Variants in ACTR2 observed in about 807,000 individuals in gnomAD.
The protein encoded by ACTR2 is actin related protein 2.
A neutral mutation model predicts 50.2 loss-of-function variants in ACTR2; 5 were observed. That is an observed-to-expected ratio of 0.10 (90% confidence interval 0.05 to 0.21). ACTR2 has a LOEUF of 0.21. Ranked by LOEUF, ACTR2 falls within the 10% of genes least tolerant of loss-of-function variation. The pLI is 1.00. For synonymous variants in ACTR2, 140 were observed against 162.9 expected, an observed-to-expected ratio of 0.86 and a Z score of 1.07; for missense variants, 180 against 480.6, an observed-to-expected ratio of 0.37 and a Z score of 5.85.
chr2:65,244,880 T>G (rs1671906532), intron 2 of ACTR2, among the ~76,000 whole-genome samples: 1 of 147,912 alleles, frequency 6.8e-6, no homozygotes, highest in Non-Finnish European at 1.5e-5. Context: ...AGGTTGAGGC[T>G]GTGGTAAGCA....
Position 65,246,026 on chromosome 2 carries a change from T to C in ACTR2, c.160-498T>C, listed in dbSNP as rs188590148. 2.0e-5 allele frequency among the ~76,000 whole-genome samples: 3 copies of C among 152,196 alleles called. No homozygotes were observed. The East Asian group carries it at 5.8e-4, about 29-fold the overall frequency. On this transcript the variant is annotated intron_variant, in intron 2 of 8. Transcript: ENST00000260641. Reference sequence around the variant, plus strand: ...TAGTTGGTGTATGTATGCATTATTATAGAGTAATAAAGAATCATTTTATTT... The same window carrying C: ...TAGTTGGTGTATGTATGCATTATTACAGAGTAATAAAGAATCATTTTATTT...
chr2:65,253,625 GTT>G (rs1467567628), intron 4 of ACTR2, 101 bp from the exon 5 acceptor site: 4 of 1,150,760 alleles, frequency 3.5e-6, no homozygotes, highest in Non-Finnish European at 5.0e-6. Context: ...CTGGCTTCTA[GTT>G]GGTTACGTTT....
chr2:65,231,978 A>G (rs573836805), intron 1 of ACTR2, among the ~76,000 whole-genome samples: 8 of 152,382 alleles, frequency 5.2e-5, no homozygotes, highest in South Asian at 2.1e-4. Context: ...TTACGATCAC[A>G]TGACCAATGT....
chr2:65,248,167 C>A (rs561078894), intron 3 of ACTR2, among the ~76,000 whole-genome samples: 60 of 151,980 alleles, frequency 3.9e-4, no homozygotes, highest in Admixed American at 7.9e-4. Flanking sequence ...TCTGGGAGGC[C>A]GAGGTGGGCG....
chr2:65,267,604 C>T (rs1177313480), intron 8 of ACTR2, among the ~76,000 whole-genome samples: 2 of 152,156 alleles, frequency 1.3e-5, no homozygotes, highest in Non-Finnish European at 2.9e-5. Context: ...ATGTGTCCTT[C>T]CTAGACACTT....
At chr2:65,261,180 T>A in intron 6 of ACTR2, 67 bp from the exon 7 acceptor site, 3 of 1,527,230 alleles carry the variant, frequency 2.0e-6, no homozygotes, top group Non-Finnish European at 2.7e-6. Flanking sequence ...TAAGTACTAG[T>A]GTTCCGGAGA....
At chr2:65,265,936 C>A (rs2104024030) in intron 8 of ACTR2, among the ~76,000 whole-genome samples, 1 of 152,270 alleles carries the variant, frequency 6.6e-6, no homozygotes, top group South Asian at 2.1e-4. Flanking sequence ...ATATATGACT[C>A]ATTGTTGAAA....
chr2:65,265,224 A>T, intron 8 of ACTR2, 49 bp downstream of exon 8: 1 of 1,607,836 alleles, frequency 6.2e-7, no homozygotes, highest in African/African-American at 1.3e-5. Flanking sequence ...AAAAGGCTAT[A>T]CAGTAGTTTG....
intron 7 of ACTR2, among the ~76,000 whole-genome samples, chr2:65,263,421 A>T (rs1395244314): frequency 2.6e-5 from 4 of 152,160 alleles, no homozygotes; most frequent in African/African-American, 9.7e-5. Context: ...TAGTCTTATT[A>T]CATCTAGAGC....
chr2:65,261,600 T>C (rs969504386), intron 7 of ACTR2, among the ~76,000 whole-genome samples: 4 of 152,278 alleles, frequency 2.6e-5, no homozygotes, highest in African/African-American at 9.6e-5. Context: ...TTACTAATTC[T>C]AATGTTCTTC....
At chr2:65,262,634 G>T (rs960153157) in intron 7 of ACTR2, among the ~76,000 whole-genome samples, 6 of 152,062 alleles carry the variant, frequency 3.9e-5, no homozygotes, top group African/African-American at 1.4e-4. Flanking sequence ...AATTATTTCA[G>T]TGTAATTTTA....
intron 6 of ACTR2, among the ~76,000 whole-genome samples, chr2:65,260,188 T>C (rs920332749): frequency 1.3e-5 from 2 of 152,214 alleles, no homozygotes; most frequent in Admixed American, 6.5e-5. Context: ...CACAGAGTAA[T>C]TATTTGATGA....
At chr2:65,256,465 A>G (rs539547414) in intron 6 of ACTR2, among the ~76,000 whole-genome samples, 3 of 152,346 alleles carry the variant, frequency 2.0e-5, no homozygotes, top group Non-Finnish European at 4.4e-5. Context: ...AGTTATTACT[A>G]AAATGAAACA....
At chr2:65,229,588 T>C (rs1671596374) in intron 1 of ACTR2, among the ~76,000 whole-genome samples, 1 of 151,720 alleles carries the variant, frequency 6.6e-6, no homozygotes, top group Admixed American at 6.6e-5. Flanking sequence ...AAACCCCGTC[T>C]CTACTAAAAA....
Position 65,239,836 on chromosome 2 carries a change from T to C in ACTR2, c.49-16T>C. On this transcript the variant is annotated splice_polypyrimidine_tract_variant and intron_variant, in intron 1 of 8. Transcript: ENST00000260641. Reference sequence around the variant, plus strand: ...TCCTGATGCTAACCCACTTTTATTTTACTGTTTCATTCCAGTTTGTGAAGT... The same window carrying C: ...TCCTGATGCTAACCCACTTTTATTTCACTGTTTCATTCCAGTTTGTGAAGT... 6.8e-7 allele frequency: 1 copy of C among 1,479,512 alleles called. No homozygotes were observed. The highest frequency in any genetic ancestry group is 9.4e-7 in the Non-Finnish European group (1 of 1,058,942). The allele number at this position is 1,479,512 out of a possible 1,614,324, so 91.6% of individuals were successfully genotyped here. A position where few individuals can be genotyped will look rare whatever the true frequency, so the allele number is the denominator to read the frequency against.
intron 7 of ACTR2, among the ~76,000 whole-genome samples, chr2:65,263,765 C>T (rs762819099): frequency 1.2e-4 from 19 of 152,220 alleles, no homozygotes; most frequent in Admixed American, 6.5e-5. Flanking sequence ...GCCAGCTGGG[C>T]GCGGTGGCTC....
In ACTR2 at chr2:65,245,694, G is replaced by T. The variant is rs13011034; in HGVS notation, c.160-830G>T. Among the ~76,000 whole-genome samples the T allele has an allele frequency of 6.7e-3, 1,017 of 152,188 alleles. 3 individuals carry two copies. The highest frequency in any genetic ancestry group is 0.012 in the Non-Finnish European group (831 of 68,024). On this transcript the variant is annotated intron_variant, in intron 2 of 8. Coordinates refer to ENST00000260641, the MANE Select transcript of ACTR2 (RefSeq NM_005722.4). ...TTGACTAGCTGTTCTCTAAAAATAA[G>T]TCTAAATGCTAGGACATCCTTACTT...
chr2:65,254,549 A>G (rs906782412), intron 5 of ACTR2, among the ~76,000 whole-genome samples: 1 of 152,206 alleles, frequency 6.6e-6, no homozygotes, highest in African/African-American at 2.4e-5. Context: ...ACAATTCTAT[A>G]ATCAGTCTAT....
chr2:65,235,912 T>C (rs1393845791), intron 1 of ACTR2, among the ~76,000 whole-genome samples: 1 of 152,212 alleles, frequency 6.6e-6, no homozygotes, highest in Non-Finnish European at 1.5e-5. Context: ...TTATGTAGTT[T>C]CTATTAATAA....
Sources: gnomAD v4.1 joint callset for allele counts (sites outside exome capture counted in the v4.1 genomes callset) on GRCh38, gnomAD v4.1.1 for gene constraint, MANE v1.5 for transcripts, NCBI Gene and HGNC (gene_info 2026-07-23, HGNC 2026-07-21) for gene names.